ITPR2: variants seen among roughly 807,000 people sequenced by gnomAD.
The protein encoded by ITPR2 is inositol 1,4,5-trisphosphate receptor type 2, also known as inositol 1,4,5-trisphosphate-gated calcium channel ITPR2.
ITPR2 carries 207 observed loss-of-function variants against 317.1 expected under a neutral mutation model. That is an observed-to-expected ratio of 0.65 (90% CI 0.58 to 0.73). ITPR2 has a LOEUF of 0.73. Ranked by LOEUF, ITPR2 falls within the 30% of genes least tolerant of loss-of-function variation. ITPR2 has a pLI of 0.00. For missense variants in ITPR2, 2,613 were observed against 3,284.0 expected (o/e 0.80, Z 4.99); for synonymous variants, 1,156 against 1,149.1 (o/e 1.01, Z -0.12).
intron 13 of ITPR2, among the ~76,000 whole-genome samples, chr12:26,669,099 T>TGACA (rs1009018057): frequency 1.3e-5 from 2 of 152,024 alleles, no homozygotes; most frequent in African/African-American, 4.8e-5. Flanking sequence ...CCAGCTTGGG[T>TGACA]GACAGGGCAA....
intron 15 of ITPR2, among the ~76,000 whole-genome samples, chr12:26,661,851 A>G (rs1947511877): frequency 6.6e-6 from 1 of 152,124 alleles, no homozygotes; most frequent in Admixed American, 6.5e-5. Flanking sequence ...CACTGCCTCC[A>G]AGTGCTTGAA....
At chr12:26,379,590 C>T (rs762049047) in intron 55 of ITPR2, among the ~76,000 whole-genome samples, 5 of 152,094 alleles carry the variant, frequency 3.3e-5, no homozygotes, top group East Asian at 1.9e-4. Context: ...CCTCCAAATA[C>T]GCCCTCCCCC....
At chr12:26,641,987 G>C (rs1947001279) in intron 21 of ITPR2, among the ~76,000 whole-genome samples, 1 of 152,188 alleles carries the variant, frequency 6.6e-6, no homozygotes, top group Non-Finnish European at 1.5e-5. Flanking sequence ...CATTAAGCCA[G>C]AAAGGGCTTA....
At chr12:26,466,596 A>G (rs1267717512) in intron 45 of ITPR2, among the ~76,000 whole-genome samples, 1 of 152,262 alleles carries the variant, frequency 6.6e-6, no homozygotes, top group Non-Finnish European at 1.5e-5. Context: ...TATTTAAAAC[A>G]TAATTGAATC....
chr12:26,712,836 A>G (rs1485282915), intron 8 of ITPR2, among the ~76,000 whole-genome samples: 1 of 152,202 alleles, frequency 6.6e-6, no homozygotes. Flanking sequence ...GTTTATCACA[A>G]TGATTTTGGA....
intron 48 of ITPR2, among the ~76,000 whole-genome samples, chr12:26,430,316 T>G (rs1941171971): frequency 6.6e-6 from 1 of 152,188 alleles, no homozygotes; most frequent in Admixed American, 6.5e-5. Flanking sequence ...CAGGCTGGAG[T>G]GCAGTGGCGT....
Position 26,524,857 on chromosome 12 carries a change from T to A in ITPR2, c.5073+25390A>T, listed in dbSNP as rs563634854. Among the ~76,000 whole-genome samples, 5 of 152,298 alleles carry A rather than the reference T, an allele frequency of 3.3e-5. No homozygotes were observed. The East Asian group carries it at 9.6e-4, about 29-fold the overall frequency. On this transcript the variant is annotated intron_variant, in intron 37 of 56. Coordinates refer to ENST00000381340, the MANE Select transcript of ITPR2 (RefSeq NM_002223.4). ...GTATAAAAATATCACTAAAAGAGTATTCTAAACAAAATGTGACTGTTACTG... is the reference window on the plus strand; with the variant it reads ...GTATAAAAATATCACTAAAAGAGTAATCTAAACAAAATGTGACTGTTACTG...
intron 21 of ITPR2, among the ~76,000 whole-genome samples, chr12:26,651,840 G>A (rs1947262764): frequency 6.6e-6 from 1 of 152,134 alleles, no homozygotes; most frequent in Non-Finnish European, 1.5e-5. Flanking sequence ...CGGTGGAGGA[G>A]TGGTATGTCC....
chr12:26,527,563 T>C (rs773466646), intron 37 of ITPR2, among the ~76,000 whole-genome samples: 16 of 152,248 alleles, frequency 1.1e-4, no homozygotes, highest in Non-Finnish European at 2.9e-5. Context: ...CTGAAACGTA[T>C]CTACATTAAT....
intron 2 of ITPR2, among the ~76,000 whole-genome samples, chr12:26,730,267 A>G (rs922446677): frequency 6.6e-6 from 1 of 152,202 alleles, no homozygotes; most frequent in African/African-American, 2.4e-5. Context: ...AACCTTTGAC[A>G]AGCCTACTTT....
chr12:26,659,572 C>G (rs572034108), intron 15 of ITPR2, among the ~76,000 whole-genome samples: 15 of 152,016 alleles, frequency 9.9e-5, no homozygotes, highest in Non-Finnish European at 2.1e-4. Flanking sequence ...AAAAATAAAT[C>G]TAATTAAAGT....
At chr12:26,385,194 C>G (rs1939631137) in intron 55 of ITPR2, among the ~76,000 whole-genome samples, 1 of 152,156 alleles carries the variant, frequency 6.6e-6, no homozygotes, top group African/African-American at 2.4e-5. Context: ...TGGTTTGATA[C>G]TCCTGGCTCC....
rs191650441 is a variant in ITPR2, at chr12:26,772,574, T to C, written c.163+17583A>G. 7.8e-3 allele frequency among the ~76,000 whole-genome samples: 688 copies of C among 87,754 alleles called. 7 individuals carry two copies. Among genetic ancestry groups the C allele is most frequent in the African/African-American group, 0.02 (650 of 33,220 alleles). The allele number at this position is 87,754 out of a possible 152,430, so 57.6% of individuals were successfully genotyped here. ...ATAATACATGTATTATATATATATA[T>C]GTATCTTATCTTCTTCATTAGATTA... On this transcript the variant is annotated intron_variant, in intron 2 of 56. Coordinates refer to ENST00000381340, the MANE Select transcript of ITPR2 (RefSeq NM_002223.4).
chr12:26,739,943 G>A (rs544063193), intron 2 of ITPR2, among the ~76,000 whole-genome samples: 4 of 152,286 alleles, frequency 2.6e-5, no homozygotes, highest in African/African-American at 4.8e-5. Flanking sequence ...ATTAATAGTT[G>A]TTGTGGTTTG....
At chr12:26,433,478 T>C (rs77767527) in intron 48 of ITPR2, among the ~76,000 whole-genome samples, 4,193 of 152,298 alleles carry the variant, frequency 0.028, 92 homozygotes, top group Middle Eastern at 0.065. Flanking sequence ...TTTTAAAAAT[T>C]ATATTAAAAT....
intron 36 of ITPR2, among the ~76,000 whole-genome samples, chr12:26,555,931 G>A (rs1367852203): frequency 6.6e-6 from 1 of 152,022 alleles, no homozygotes; most frequent in Non-Finnish European, 1.5e-5. Context: ...TTTTTTAAAG[G>A]TCACACCATA....
At chr12:26,363,505 G>A (rs1386648689) in intron 55 of ITPR2, among the ~76,000 whole-genome samples, 1 of 152,090 alleles carries the variant, frequency 6.6e-6, no homozygotes, top group East Asian at 1.9e-4. Flanking sequence ...CATGAAACTG[G>A]TCACTGGTGC....
intron 2 of ITPR2, among the ~76,000 whole-genome samples, chr12:26,756,239 T>TA (rs1949517355): frequency 2.0e-5 from 3 of 152,228 alleles, no homozygotes; most frequent in Non-Finnish European, 4.4e-5. Flanking sequence ...CAGTTGTTTT[T>TA]AAGTTTGTTT....
intron 10 of ITPR2, among the ~76,000 whole-genome samples, chr12:26,693,248 G>A (rs1948273172): frequency 6.6e-6 from 1 of 152,158 alleles, no homozygotes; most frequent in African/African-American, 2.4e-5. Flanking sequence ...TTAAACAGAA[G>A]AGCACTCTTT....
Sources: gnomAD v4.1 joint callset for allele counts (sites outside exome capture counted in the v4.1 genomes callset) on GRCh38, gnomAD v4.1.1 for gene constraint, MANE v1.5 for transcripts, NCBI Gene and HGNC (gene_info 2026-07-23, HGNC 2026-07-21) for gene names.